The following ARMCX4 variants were observed in gnomAD, a reference collection of about 807,000 sequenced individuals.
The protein encoded by ARMCX4 is armadillo repeat containing X-linked 4, also known as armadillo repeat-containing X-linked protein 4.
A neutral mutation model predicts 34.7 loss-of-function variants in ARMCX4; 3 were observed. The ratio of observed to expected loss-of-function variants is 0.09; its 90% CI spans 0.04 to 0.22. The LOEUF is 0.22. Among genes scored for constraint, ARMCX4 ranks in the 10% least tolerant of loss-of-function variants. The pLI is 1.00. For synonymous variants in ARMCX4, 513 were observed against 632.8 expected (o/e 0.81, Z 2.84); for missense variants, 1,448 against 1,720.8 (o/e 0.84, Z 2.81).
chrX:101,496,501 A>G (rs1448726071), downstream of ARMCX4, among the ~76,000 whole-genome samples: 2 of 111,712 alleles, frequency 1.8e-5, no homozygotes, highest in African/African-American at 3.3e-5. Flanking sequence ...TTCTGGAGAC[A>G]TACAGAGAGG....
chrX:101,495,494 A>G lies in ARMCX4; in HGVS notation c.*32A>G. On this transcript the variant is annotated 3_prime_UTR_variant, in exon 6 of 6. Transcript: ENST00000423738. ...GTATGTTCCCAAACAAATTTGAGTA[A>G]TATTTTGGTTTTGCACTCTGGAAGT... 9.2e-7 allele frequency: 1 copy of G among 1,085,294 alleles called. No individual in the cohort carries two copies. The highest frequency in any genetic ancestry group is 1.2e-6 in the Non-Finnish European group (1 of 840,428). The allele number at this position is 1,085,294 out of a possible 1,213,427, so 89.4% of individuals were successfully genotyped here. A position where few individuals can be genotyped will look rare whatever the true frequency, so the allele number is the denominator to read the frequency against.
Position 101,493,219 on chromosome X carries a change from G to C in ARMCX4, c.4630G>C (p.Ala1544Pro), listed in dbSNP as rs1329252958. Reference protein sequence around the residue: ...SRPGPTNQSSAGSWDSPGSQV... With the variant: ...SRPGPTNQSSPGSWDSPGSQV... ...GCCAGGGCCCACGAACCAGTCCAGT[G>C]CTGGGTCCTGGGATAGCCCTGGGAG... Residue 1544 changes from alanine to proline, a missense_variant, in exon 6 of 6, where the codon GCT becomes CCT. Ala to Pro is a conservative substitution (Grantham distance 27). This residue lies in a region of ARMCX4 where 1,343 missense variants were observed against 1,540.7 expected (regional missense o/e 0.87). Transcript: ENST00000423738. 4.3e-6 allele frequency: 5 copies of C among 1,156,065 alleles called. No individual in the cohort carries two copies. Among genetic ancestry groups the C allele is most frequent in the Non-Finnish European group, 4.6e-6 (4 of 872,921 alleles).
intron 2 of ARMCX4, among the ~76,000 whole-genome samples, chrX:101,435,476 G>C (rs1555994305): frequency 9.0e-6 from 1 of 111,634 alleles, no homozygotes. Flanking sequence ...CCCACTTTTT[G>C]ATGAGGTTGT....
chrX:101,487,684 A>G lies in ARMCX4; in HGVS notation c.-210A>G, dbSNP rs980728624. 4.7e-5 allele frequency: 45 copies of G among 954,766 alleles called. No individual in the cohort carries two copies. Among genetic ancestry groups the G allele is most frequent in the Non-Finnish European group, 5.8e-5 (43 of 742,291 alleles). 78.7% of individuals were successfully genotyped at this position (954,766 alleles called of 1,213,427 possible). On this transcript the variant is annotated 5_prime_UTR_variant, in exon 4 of 6. Transcript: ENST00000423738. Reference sequence around the variant, plus strand: ...AAAGAGGAGATTGCTCCTGATCAGTATAGACTGGTAAGAGTGTGGGGACTG... The same window carrying G: ...AAAGAGGAGATTGCTCCTGATCAGTGTAGACTGGTAAGAGTGTGGGGACTG...
In ARMCX4 at chrX:101,469,075, T is replaced by G. The variant is rs1028071273; in HGVS notation, c.-472-16948T>G. Among the ~76,000 whole-genome samples the G allele has an allele frequency of 3.6e-5, 4 of 112,020 alleles. No homozygotes were observed. The East Asian group carries it at 1.1e-3, about 31-fold the overall frequency. On this transcript the variant is annotated intron_variant and NMD_transcript_variant, in intron 4 of 15. Coordinates refer to the ARMCX4 transcript ENST00000433011. The stretch of plus-strand genomic sequence containing the variant: ...AAATCAGTAAGATAAAGGTAATATC[T>G]TTTGTGCCAGGAAAACAGGCAAAGC...
chrX:101,440,210 C>T (rs1338997512), intron 2 of ARMCX4, among the ~76,000 whole-genome samples: 1 of 112,204 alleles, frequency 8.9e-6, no homozygotes. Flanking sequence ...GGACCCTCAG[C>T]TTCAGGTCTG....
intron 8 of ARMCX4, among the ~76,000 whole-genome samples, chrX:101,506,774 T>G (rs1311416811): frequency 1.8e-5 from 2 of 111,063 alleles, no homozygotes; most frequent in African/African-American, 6.5e-5. Context: ...TATGTTCAAT[T>G]TCAGAACCTG....
chrX:101,455,697 G>C (rs1043107205), intron 4 of ARMCX4, among the ~76,000 whole-genome samples: 2 of 111,260 alleles, frequency 1.8e-5, no homozygotes, highest in Non-Finnish European at 3.8e-5. Flanking sequence ...GGGGGTACAT[G>C]TGCAGATTTG....
In ARMCX4 at chrX:101,489,854, G is replaced by A; in HGVS notation, c.1265G>A (p.Gly422Asp). 8.6e-7 allele frequency: 1 copy of A among 1,156,207 alleles called. No individual in the cohort carries two copies. The highest frequency in any genetic ancestry group is 1.1e-6 in the Non-Finnish European group (1 of 873,018). The change falls in exon 6 of 6, where the codon GGC (glycine) becomes GAC (aspartate). Residue 422 changes from glycine (G) to aspartate (D), a missense_variant. Transcript: ENST00000423738. ...AMSDAKVKNR[G>D]NPNAMTKAGA... ...TCTGATGCTAAGGTTAAGAACAGAG[G>A]CAATCCCAATGCCATGACTAAAGCA... is the stretch of plus-strand genomic sequence containing the variant.
intron 4 of ARMCX4, among the ~76,000 whole-genome samples, chrX:101,478,840 G>C (rs4628436): frequency 0.049 from 5,468 of 111,378 alleles, 337 homozygotes; most frequent in African/African-American, 0.17. Context: ...ATTATAAATA[G>C]AGTGAAATAG....
At chrX:101,432,924 G>GTA (rs201453649) in intron 2 of ARMCX4, among the ~76,000 whole-genome samples, 2 of 81,207 alleles carry the variant, frequency 2.5e-5, no homozygotes, top group South Asian at 6.0e-4. Context: ...GTATACATAC[G>GTA]TATATATATA....
chrX:101,432,871 C>A (rs1389886700), intron 2 of ARMCX4, among the ~76,000 whole-genome samples: 2 of 86,521 alleles, frequency 2.3e-5, no homozygotes, highest in Non-Finnish European at 4.6e-5. Flanking sequence ...CGTATATATA[C>A]ACATATGTAT....
At chrX:101,524,592 C>T (rs1002856952) in intron 11 of ARMCX4, among the ~76,000 whole-genome samples, 2 of 111,718 alleles carry the variant, frequency 1.8e-5, no homozygotes, top group African/African-American at 3.3e-5. Flanking sequence ...CCTGGAAAAT[C>T]GGGACACTCC....
In ARMCX4 at chrX:101,433,034, G is replaced by A. The variant is rs1930306727; in HGVS notation, n.165-11018G>A. ...TATACACATATGTATACATACACGT[G>A]TATATACACACATATGTATACATAC... On this transcript the variant is annotated intron_variant and non_coding_transcript_variant, in intron 2 of 3. Transcript: ENST00000430461. Among the ~76,000 whole-genome samples, 4 of 80,204 alleles carry A rather than the reference G, an allele frequency of 5.0e-5. 1 individual carries two copies. Among genetic ancestry groups the A allele is most frequent in the Admixed American group, 4.8e-4 (4 of 8,261 alleles). The allele number at this position is 80,204 out of a possible 115,157, so 69.6% of individuals were successfully genotyped here.
chrX:101,427,634 G>C (rs782011300), intron 2 of ARMCX4, among the ~76,000 whole-genome samples: 1 of 111,434 alleles, frequency 9.0e-6, no homozygotes, highest in East Asian at 2.8e-4. Flanking sequence ...GCCTGCCTTG[G>C]CCTCCTAAAG....
rs1556008784 is a variant in ARMCX4 at position 101,491,016 on chromosome X, G to A, written c.2427G>A (p.Arg809=). 4.3e-6 allele frequency: 5 copies of A among 1,151,083 alleles called. No individual in the cohort carries two copies. The highest frequency in any genetic ancestry group is 1.8e-5 in the African/African-American group (1 of 54,549). 94.9% of individuals were successfully genotyped at this position (1,151,083 alleles called of 1,213,427 possible). A position where few individuals can be genotyped will look rare whatever the true frequency, so the allele number is the denominator to read the frequency against. The change falls in exon 6 of 6, where the codon AGG becomes AGA. Residue 809 remains arginine, a synonymous_variant. Transcript: ENST00000423738. ...ETLPGAKNKV[R]GNWNAVSKAG... is the part of the protein sequence containing the mutation. ...TGCCTGGTGCCAAGAATAAGGTCAG[G>A]GGAAATTGGAATGCTGTGTCTAAGG...
intron 2 of ARMCX4, among the ~76,000 whole-genome samples, chrX:101,434,524 G>A (rs781913213): frequency 9.0e-6 from 1 of 111,434 alleles, no homozygotes; most frequent in Non-Finnish European, 1.9e-5. Context: ...AGAATTATAG[G>A]CGTGAGCCAC....
At chrX:101,504,297 A>G (rs1934388796) in intron 7 of ARMCX4, among the ~76,000 whole-genome samples, 1 of 111,588 alleles carries the variant, frequency 9.0e-6, no homozygotes, top group African/African-American at 3.3e-5. Flanking sequence ...TATGAACTTT[A>G]AAGTAGTTTT....
chrX:101,494,360 T>C lies in ARMCX4; in HGVS notation c.5771T>C (p.Phe1924Ser), dbSNP rs1556011182. The change falls in exon 6 of 6, where the codon TTT becomes TCT. Residue 1924 changes from phenylalanine to serine, a missense_variant. Physicochemically the swap from Phe to Ser is radical, Grantham distance 155. This residue lies in a region of ARMCX4 where 1,343 missense variants were observed against 1,540.7 expected (regional missense o/e 0.87). Transcript: ENST00000423738. ...TCTAAGAGTGGGAAAGATGCCAGTTTTGAGTCTGGAGCTGGGGATAACACC... is the reference window on the plus strand; with the variant it reads ...TCTAAGAGTGGGAAAGATGCCAGTTCTGAGTCTGGAGCTGGGGATAACACC... ...FRSKSGKDAS[F>S]ESGAGDNTSI... 3.5e-6 allele frequency: 4 copies of C among 1,152,495 alleles called. No individual in the cohort carries two copies. In the African/African-American group the frequency reaches 5.4e-5, roughly 16 times the overall value. The allele number at this position is 1,152,495 out of a possible 1,213,427, so 95.0% of individuals were successfully genotyped here.
Sources: gnomAD v4.1 joint callset for allele counts (sites outside exome capture counted in the v4.1 genomes callset) on GRCh38, gnomAD v4.1.1 for gene constraint, gnomAD v4.1.1 regional missense constraint, MANE v1.5 for transcripts, NCBI Gene and HGNC (gene_info 2026-07-23, HGNC 2026-07-21) for gene names.